Variants in SEC24B observed in about 807,000 individuals in gnomAD.
The protein encoded by SEC24B is protein transport protein Sec24B.
SEC24B carries 45 observed loss-of-function variants against 142.8 expected under a neutral mutation model. That is an observed-to-expected ratio of 0.32 (90% CI 0.25 to 0.40). The LOEUF is 0.40. SEC24B is among the 10% of genes least tolerant of loss of function. The probability of loss-of-function intolerance (pLI) is 1.00; values close to 1 mark genes in which losing one functional copy is unlikely to be tolerated. For synonymous variants in SEC24B, 574 were observed against 568.2 expected (o/e 1.01, Z -0.15); for missense variants, 1,409 against 1,526.8 (o/e 0.92, Z 1.29).
Position 109,532,720 on chromosome 4 carries a change from G to T in SEC24B, c.3472G>T (p.Ala1158Ser), listed in dbSNP as rs780537839. Residue 1158 changes from alanine to serine, a missense_variant, in exon 21 of 24, where the codon GCT (alanine) becomes TCT (serine). Ala to Ser is a moderately conservative substitution (Grantham distance 99). Coordinates refer to ENST00000265175, the MANE Select transcript of SEC24B (RefSeq NM_006323.5). ...LSAEKLTREGAFLMDCGSVFY... is the reference protein window; with the variant it reads ...LSAEKLTREGSFLMDCGSVFY... ...TGCAGAGAAGCTGACAAGAGAAGGT[G>T]CTTTCCTTATGGACTGTGGCTCTGT... 5 of 1,602,194 alleles carry T rather than the reference G, an allele frequency of 3.1e-6. No individual in the cohort carries two copies. The highest frequency in any genetic ancestry group is 4.3e-6 in the Non-Finnish European group (5 of 1,169,148).
chr4:109,511,893 G>T lies in SEC24B; in HGVS notation c.1777-64G>T. The T allele has an allele frequency of 2.6e-6, 4 of 1,523,100 alleles. No individual in the cohort carries two copies. In the South Asian group the frequency reaches 4.6e-5, roughly 18 times the overall value. The allele number at this position is 1,523,100 out of a possible 1,614,324, so 94.3% of individuals were successfully genotyped here. ...TATGTTCTGTATTTGGAGCAGATCTGTGTACGTTCTGTTTTTCCTTGGGGT... is the reference window on the plus strand; with the variant it reads ...TATGTTCTGTATTTGGAGCAGATCTTTGTACGTTCTGTTTTTCCTTGGGGT... On this transcript the variant is annotated intron_variant, in intron 8 of 23. Transcript: ENST00000265175.
chr4:109,493,738 A>T (rs1735245649), intron 5 of SEC24B, among the ~76,000 whole-genome samples: 1 of 151,682 alleles, frequency 6.6e-6, no homozygotes, highest in Non-Finnish European at 1.5e-5. Context: ...CTGGGACTAC[A>T]GGTGCCTGCC....
chr4:109,461,328 C>T, intron 1 of SEC24B, among the ~76,000 whole-genome samples: 1 of 152,214 alleles, frequency 6.6e-6, no homozygotes, highest in East Asian at 1.9e-4. Flanking sequence ...CCAATAATGT[C>T]AATTTTAAAA....
chr4:109,482,933 G>GTAA (rs1733876177), intron 4 of SEC24B, among the ~76,000 whole-genome samples: 1 of 48,474 alleles, frequency 2.1e-5, no homozygotes, highest in African/African-American at 6.8e-5. Flanking sequence ...TGCCAGGCTT[G>GTAA]TACTATATAT....
At chr4:109,458,129 C>T (rs1730893397) in intron 1 of SEC24B, among the ~76,000 whole-genome samples, 1 of 151,026 alleles carries the variant, frequency 6.6e-6, no homozygotes, top group African/African-American at 2.4e-5. Context: ...AGATCATTTT[C>T]TTAACCAATC....
intron 12 of SEC24B, 85 bp downstream of exon 12, chr4:109,520,569 G>T (rs1723497668): frequency 1.3e-6 from 1 of 791,412 alleles, no homozygotes; most frequent in African/African-American, 1.7e-5. Flanking sequence ...CTTGCTATAT[G>T]CTGTGAGGAT....
At chr4:109,477,731 A>G (rs949214203) in intron 3 of SEC24B, among the ~76,000 whole-genome samples, 4 of 152,150 alleles carry the variant, frequency 2.6e-5, no homozygotes, top group African/African-American at 9.7e-5. Flanking sequence ...CAGTCCTCAA[A>G]ACTTATCAAA....
chr4:109,449,307 T>TCCC (rs1729807941), intron 1 of SEC24B: 3 of 340,510 alleles, frequency 8.8e-6, no homozygotes, highest in African/African-American at 4.4e-5. Context: ...CACTGAAGCC[T>TCCC]TGACCTCCCA....
intron 22 of SEC24B, among the ~76,000 whole-genome samples, chr4:109,538,167 G>A (rs762245948): frequency 1.3e-5 from 2 of 152,054 alleles, no homozygotes; most frequent in Non-Finnish European, 2.9e-5. Context: ...CCCTTCATTT[G>A]AACATTTCCT....
chr4:109,538,516 A>C lies in SEC24B; in HGVS notation c.3612A>C (p.Thr1204=), dbSNP rs1307131359. The C allele has an allele frequency of 6.2e-7, 1 of 1,612,818 alleles. No individual in the cohort carries two copies. ...AGACACATCTTCCAGAGCTAGATACACTTTCATCAGAAAGAGCCAGATCCT... is the reference window on the plus strand; with the variant it reads ...AGACACATCTTCCAGAGCTAGATACCCTTTCATCAGAAAGAGCCAGATCCT... The part of the protein sequence containing the change: ...QKMTHLPELD[T]LSSERARSFI... Residue 1204 remains threonine, a synonymous_variant, in exon 23 of 24, where the codon ACA becomes ACC. Coordinates refer to ENST00000265175, the MANE Select transcript of SEC24B (RefSeq NM_006323.5).
chr4:109,433,926 G>T lies in SEC24B; in HGVS notation c.57G>T (p.Lys19Asn). 7.7e-7 allele frequency: 1 copy of T among 1,303,698 alleles called. No homozygotes were observed. The highest frequency in any genetic ancestry group is 3.6e-5 in the Admixed American group (1 of 27,970). The allele number at this position is 1,303,698 out of a possible 1,614,324, so 80.8% of individuals were successfully genotyped here. A position where few individuals can be genotyped will look rare whatever the true frequency, so the allele number is the denominator to read the frequency against. ...CCGCCAGCGCCCGGATCCCGCCCAA[G>T]TTCGGCGGAGCGGCCGTCTCAGGAG... The part of the protein sequence containing the change: ...HPAASARIPP[K>N]FGGAAVSGAA... Residue 19 changes from lysine (K) to asparagine (N), a missense_variant, in exon 1 of 24, where the codon AAG becomes AAT. Around this residue, in one of 2 missense-constraint regions of SEC24B, gnomAD observed 709 missense variants for 673.5 expected, o/e 1.05. Transcript: ENST00000265175.
rs754725799 is a variant in SEC24B at position 109,473,171 on chromosome 4, C to G, written c.1045C>G (p.Leu349Val). Residue 349 changes from leucine (L) to valine (V), a missense_variant, in exon 3 of 24, where the codon CTA becomes GTA. Leu to Val is a conservative substitution (Grantham distance 32, BLOSUM62 1). This residue lies in a region of SEC24B where 709 missense variants were observed against 673.5 expected (regional missense o/e 1.05). Coordinates refer to ENST00000265175, the MANE Select transcript of SEC24B (RefSeq NM_006323.5). ...PVTSVTQPSE[L>V]LQQKGVQYGE... ...GACCTCAGTTACACAGCCATCAGAG[C>G]TATTACAACAAAAAGGTATTTGAGA... 6.4e-7 allele frequency: 1 copy of G among 1,569,484 alleles called. No homozygotes were observed. The highest frequency in any genetic ancestry group is 8.6e-7 in the Non-Finnish European group (1 of 1,158,568).
chr4:109,517,090 C>T lies in SEC24B; in HGVS notation c.2126+450C>T, dbSNP rs187328972. Among the ~76,000 whole-genome samples the T allele has an allele frequency of 6.6e-5, 10 of 152,158 alleles. No homozygotes were observed. The East Asian group carries it at 1.9e-3, about 29-fold the overall frequency. On this transcript the variant is annotated intron_variant, in intron 11 of 23. Coordinates refer to ENST00000265175, the MANE Select transcript of SEC24B (RefSeq NM_006323.5). ...CCCTCAGAAAATTTAATACAATTGT[C>T]GTATGATCCAGCAATCCCACTACTT... is the stretch of plus-strand genomic sequence containing the variant.
Position 109,433,952 on chromosome 4 carries a change from C to T in SEC24B, c.83C>T (p.Ala28Val), listed in dbSNP as rs1322144242. The change falls in exon 1 of 24, where the codon GCC becomes GTC. Residue 28 changes from alanine to valine, a missense_variant. Physicochemically the swap from Ala to Val is moderately conservative, Grantham distance 64 (BLOSUM62 0). This residue lies in a region of SEC24B where 709 missense variants were observed against 673.5 expected (regional missense o/e 1.05). Coordinates refer to ENST00000265175, the MANE Select transcript of SEC24B (RefSeq NM_006323.5). Reference protein sequence around the residue: ...PKFGGAAVSGAAAPAGPGAGP... With the variant: ...PKFGGAAVSGVAAPAGPGAGP... The stretch of plus-strand genomic sequence containing the variant: ...TTCGGCGGAGCGGCCGTCTCAGGAG[C>T]CGCAGCGCCCGCGGGCCCGGGTGCG... 1.6e-6 allele frequency: 2 copies of T among 1,241,598 alleles called. No individual in the cohort carries two copies. Among genetic ancestry groups the T allele is most frequent in the Non-Finnish European group, 2.0e-6 (2 of 994,794 alleles). 76.9% of individuals were successfully genotyped at this position (1,241,598 alleles called of 1,614,324 possible).
At chr4:109,480,687 G>A (rs112167735) in intron 3 of SEC24B, among the ~76,000 whole-genome samples, 71 of 152,078 alleles carry the variant, frequency 4.7e-4, no homozygotes, top group African/African-American at 1.7e-3. Flanking sequence ...CACCATGTTG[G>A]CCAGGATGGT....
At position 109,526,285 on chromosome 4, in the gene SEC24B, C is replaced by G. The variant is rs767730309; in HGVS notation, c.2851C>G (p.Leu951Val). 2 of 1,613,970 alleles carry G rather than the reference C, an allele frequency of 1.2e-6. No homozygotes were observed. The highest frequency in any genetic ancestry group is 8.5e-7 in the Non-Finnish European group (1 of 1,179,950). Residue 951 changes from leucine (L) to valine (V), a missense_variant, in exon 17 of 24, where the codon CTT becomes GTT. By Grantham distance (32) the Leu-to-Val change is conservative (BLOSUM62 1). Around this residue, in one of 2 missense-constraint regions of SEC24B, gnomAD observed 700 missense variants for 853.3 expected, o/e 0.82. Coordinates refer to ENST00000265175, the MANE Select transcript of SEC24B (RefSeq NM_006323.5). ...FFVRSTDLLS[L>V]ANINPDAGFA... The stretch of plus-strand genomic sequence containing the variant: ...TGTCCGTTCTACTGATTTGTTATCC[C>G]TTGCCAACATCAATCCTGATGCTGG...
intron 1 of SEC24B, among the ~76,000 whole-genome samples, chr4:109,443,699 A>G (rs1020816228): frequency 6.6e-6 from 1 of 152,222 alleles, no homozygotes; most frequent in African/African-American, 2.4e-5. Flanking sequence ...AGCACTGAAC[A>G]TGTGTTTCCT....
chr4:109,441,660 A>T (rs985091881), intron 1 of SEC24B, among the ~76,000 whole-genome samples: 3 of 152,050 alleles, frequency 2.0e-5, no homozygotes, highest in African/African-American at 7.2e-5. Flanking sequence ...TGATTCTCCT[A>T]CCTTGGCCTC....
At chr4:109,519,348 G>A (rs1723355204) in intron 11 of SEC24B, among the ~76,000 whole-genome samples, 2 of 152,152 alleles carry the variant, frequency 1.3e-5, no homozygotes, top group South Asian at 4.1e-4. Context: ...ACTGGGAATG[G>A]AAAATGTTTT....
Sources: gnomAD v4.1 joint callset for allele counts (sites outside exome capture counted in the v4.1 genomes callset) on GRCh38, gnomAD v4.1.1 for gene constraint, gnomAD v4.1.1 regional missense constraint, MANE v1.5 for transcripts, NCBI Gene and HGNC (gene_info 2026-07-23, HGNC 2026-07-21) for gene names.